Variants in INSL6 observed in about 807,000 individuals in gnomAD.
INSL6 encodes the protein insulin like 6.
A neutral mutation model predicts 9.4 loss-of-function variants in INSL6; 16 were observed. That is an observed-to-expected ratio of 1.70 (90% CI 1.15 to 2.59). The LOEUF is 2.59. INSL6 is among the 30% of genes most tolerant of loss of function. The pLI is 0.00. For missense variants in INSL6, 391 were observed against 257.3 expected (o/e 1.52, Z -3.56); for synonymous variants, 154 against 96.9 (o/e 1.59, Z -3.46).
the INSL6 span, chr9:5,099,688 A>G: frequency 6.6e-6 from 1 of 152,164 alleles, no homozygotes; most frequent in Non-Finnish European, 1.5e-5. Context: ...ATTATTTTCT[A>G]TTCAACGATG....
the INSL6 span, chr9:5,089,967 C>T: frequency 1.2e-5 from 8 of 670,914 alleles, no homozygotes; most frequent in Non-Finnish European, 1.8e-5. Context: ...TGCCAATGCC[C>T]AGAGGGAGAG....
At chr9:5,126,856 C>A in intron 3 of INSL6, 1 of 907,598 alleles carries the variant, frequency 1.1e-6, no homozygotes, top group Non-Finnish European at 1.8e-6. Context: ...TTTCACATTG[C>A]TGTGGACTAT....
downstream of INSL6, among the ~76,000 whole-genome samples, chr9:5,121,077 C>G (rs1356918514): frequency 2.6e-5 from 4 of 152,086 alleles, no homozygotes; most frequent in Non-Finnish European, 5.9e-5. Flanking sequence ...TGAAGAGACC[C>G]TGGGAAACCT....
chr9:5,053,049 A>G, the INSL6 span, among the ~76,000 whole-genome samples: 1 of 152,024 alleles, frequency 6.6e-6, no homozygotes, highest in African/African-American at 2.4e-5. Flanking sequence ...GTAACTGTTT[A>G]ACTTTTTGAG....
At chr9:5,020,198 C>A in the INSL6 span, among the ~76,000 whole-genome samples, 2 of 152,092 alleles carry the variant, frequency 1.3e-5, no homozygotes, top group African/African-American at 4.8e-5. Flanking sequence ...GTAGGCAAGT[C>A]CTAAAACCTG....
intron 1 of INSL6, among the ~76,000 whole-genome samples, chr9:5,185,112 C>G (rs1349442876): frequency 6.6e-6 from 1 of 151,862 alleles, no homozygotes; most frequent in Non-Finnish European, 1.5e-5. Flanking sequence ...TACAAGTGTA[C>G]ATTTATTTCC....
chr9:5,122,789 G>C (rs1823711484), downstream of INSL6, among the ~76,000 whole-genome samples: 1 of 151,952 alleles, frequency 6.6e-6, no homozygotes, highest in South Asian at 2.1e-4. Context: ...GGCATAGTGA[G>C]TCACTCTTAT....
the INSL6 span, among the ~76,000 whole-genome samples, chr9:5,021,205 A>G: frequency 6.6e-5 from 10 of 152,050 alleles, no homozygotes; most frequent in African/African-American, 2.2e-4. Context: ...GGTGTTTTCT[A>G]TCACTTCTCT....
At chr9:5,008,981 G>A in the INSL6 span, among the ~76,000 whole-genome samples, 1 of 152,032 alleles carries the variant, frequency 6.6e-6, no homozygotes, top group African/African-American at 2.4e-5. Flanking sequence ...CAAATTATGA[G>A]TTTGATCCTT....
At chr9:5,108,668 C>G in the INSL6 span, 4 of 152,104 alleles carry the variant, frequency 2.6e-5, no homozygotes, top group South Asian at 4.2e-4. Flanking sequence ...TTACCCTTAT[C>G]CTCAGCCCCC....
chr9:5,044,839 C>T, the INSL6 span, among the ~76,000 whole-genome samples: 1 of 152,036 alleles, frequency 6.6e-6, no homozygotes. Context: ...ACATACGTGG[C>T]TAAAATATTA....
chr9:5,019,100 T>C, the INSL6 span, among the ~76,000 whole-genome samples: 1 of 152,204 alleles, frequency 6.6e-6, no homozygotes, highest in Non-Finnish European at 1.5e-5. Context: ...CTAAATCTCT[T>C]GATATACTTG....
chr9:5,075,990 A>G, the INSL6 span, among the ~76,000 whole-genome samples: 9 of 152,138 alleles, frequency 5.9e-5, no homozygotes, highest in African/African-American at 2.2e-4. Flanking sequence ...ACTTTGAGGG[A>G]TATGGTACTT....
rs764559997 is a variant in INSL6, at chr9:5,185,380, A to T, written c.223T>A (p.Tyr75Asn). 1 of 1,613,990 alleles carries T rather than the reference A, an allele frequency of 6.2e-7. No individual in the cohort carries two copies. The highest frequency in any genetic ancestry group is 8.5e-7 in the Non-Finnish European group (1 of 1,180,020). ...GGGCTTTCGAACTGGTATGGGCTGT[A>T]GGCTTCGACCTTCTCCGAGGCCTGT... is the stretch of plus-strand genomic sequence containing the variant. The part of the protein sequence containing the change: ...IAQASEKVEA[Y>N]SPYQFESPQT... Residue 75 changes from tyrosine to asparagine, a missense_variant, in exon 1 of 2, where the codon TAC becomes AAC. Coordinates refer to ENST00000381641, the MANE Select transcript of INSL6 (RefSeq NM_007179.3).
the INSL6 span, among the ~76,000 whole-genome samples, chr9:4,992,356 G>C: frequency 6.6e-6 from 1 of 152,212 alleles, no homozygotes; most frequent in Non-Finnish European, 1.5e-5. Context: ...TAGCTGCACA[G>C]TATAACTTCT....
intron 2 of INSL6, among the ~76,000 whole-genome samples, chr9:5,147,429 G>A (rs1003914491): frequency 6.6e-6 from 1 of 152,216 alleles, no homozygotes; most frequent in Non-Finnish European, 1.5e-5. Context: ...CAATGGCAGA[G>A]AACTTTCAGT....
chr9:5,054,527 T>A, the INSL6 span: 1 of 1,490,474 alleles, frequency 6.7e-7, no homozygotes, highest in Non-Finnish European at 9.0e-7. This position sits in a 1 kb window ranked among gnomAD's most constrained non-coding sequence, Gnocchi z 4.9. Flanking sequence ...ATTTTTGTTT[T>A]GTTTTGTTTT....
chr9:5,090,623 A>C, the INSL6 span: 1 of 1,538,900 alleles, frequency 6.5e-7, no homozygotes, highest in Admixed American at 2.1e-5. Context: ...GTTGAAGTAG[A>C]CATTAGGAAA....
the INSL6 span, chr9:5,086,196 GC>G: frequency 2.0e-5 from 11 of 550,482 alleles, no homozygotes; most frequent in Non-Finnish European, 2.6e-5. Flanking sequence ...CAGCCGCGCC[GC>G]CCCCGCCACC....
Sources: gnomAD v4.1 joint callset for allele counts (sites outside exome capture counted in the v4.1 genomes callset) on GRCh38, gnomAD v4.1.1 for gene constraint, Gnocchi (gnomAD v3.1) non-coding constraint, MANE v1.5 for transcripts, NCBI Gene and HGNC (gene_info 2026-07-23, HGNC 2026-07-21) for gene names.